The following ARID1B variants were observed in gnomAD, a reference collection of about 807,000 sequenced individuals.
The protein encoded by ARID1B is AT-rich interactive domain-containing protein 1B.
ARID1B carries 30 observed loss-of-function variants against 212.3 expected under a neutral mutation model. That is an observed-to-expected ratio of 0.14 (90% confidence interval 0.11 to 0.19). The LOEUF is 0.19. Ranked by LOEUF, ARID1B falls within the 10% of genes least tolerant of loss-of-function variation. The pLI, the probability that ARID1B is intolerant of heterozygous loss-of-function variation, is 1.00. For synonymous variants in ARID1B, 1,402 were observed against 1,301.7 expected (o/e 1.08, Z -1.66); for missense variants, 2,891 against 3,204.0 (o/e 0.90, Z 2.36).
chr6:157,083,932 G>A (rs570369200), intron 4 of ARID1B, among the ~76,000 whole-genome samples: 21 of 152,166 alleles, frequency 1.4e-4, no homozygotes, highest in Non-Finnish European at 2.5e-4. Flanking sequence ...TCAGGAGTTC[G>A]AGACCAGCCT....
intron 2 of ARID1B, among the ~76,000 whole-genome samples, chr6:156,885,745 A>G: frequency 6.6e-6 from 1 of 152,222 alleles, no homozygotes; most frequent in East Asian, 1.9e-4. Context: ...TCATATTGCC[A>G]CAACTTTAAA....
At chr6:157,122,851 T>C (rs35835705) in intron 6 of ARID1B, among the ~76,000 whole-genome samples, 181 of 152,216 alleles carry the variant, frequency 1.2e-3, no homozygotes, top group Non-Finnish European at 2.2e-3. Flanking sequence ...GCTAACTTTT[T>C]TGGTATTTTT....
intron 2 of ARID1B, among the ~76,000 whole-genome samples, chr6:156,835,842 A>C (rs1302820966): frequency 1.3e-5 from 2 of 152,066 alleles, no homozygotes; most frequent in Non-Finnish European, 2.9e-5. Context: ...CCTGGGCTCA[A>C]ACAATCCTCC....
chr6:156,825,452 A>AT (rs1182845251), intron 1 of ARID1B, among the ~76,000 whole-genome samples: 1 of 152,206 alleles, frequency 6.6e-6, no homozygotes, highest in Non-Finnish European at 1.5e-5. Context: ...TTAAGCTAAC[A>AT]TTTTTGACAT....
chr6:156,821,704 A>G (rs143082020), intron 1 of ARID1B, among the ~76,000 whole-genome samples: 9 of 152,342 alleles, frequency 5.9e-5, no homozygotes, highest in East Asian at 3.9e-4. Flanking sequence ...ATATGTTGTT[A>G]TTATTTGATA....
rs537699305 is a variant in ARID1B at position 156,991,602 on chromosome 6, A to G, written c.2247+56026A>G. On this transcript the variant is annotated intron_variant, in intron 4 of 19. Transcript: ENST00000636930. Reference sequence around the variant, plus strand: ...AGAATTAGAGAAATGTTGAGGGGAAAAGTTCATACTTATATCTTTCTTACA... The same window carrying G: ...AGAATTAGAGAAATGTTGAGGGGAAGAGTTCATACTTATATCTTTCTTACA... Among the ~76,000 whole-genome samples, 53 of 152,298 alleles carry G rather than the reference A, an allele frequency of 3.5e-4. 1 individual carries two copies. In the South Asian group the frequency reaches 0.011, roughly 31 times the overall value.
intron 4 of ARID1B, among the ~76,000 whole-genome samples, chr6:157,005,836 C>T (rs2128442036): frequency 6.6e-6 from 1 of 152,272 alleles, no homozygotes; most frequent in Non-Finnish European, 1.5e-5. Flanking sequence ...TCTGTCTCCT[C>T]AGCTACCTCC....
chr6:157,165,363 TA>T (rs1350020292), intron 8 of ARID1B, among the ~76,000 whole-genome samples: 7 of 152,248 alleles, frequency 4.6e-5, no homozygotes, highest in African/African-American at 1.7e-4. Flanking sequence ...TTTCAGCTTC[TA>T]ACAGTGTTCT....
intron 4 of ARID1B, among the ~76,000 whole-genome samples, chr6:157,067,640 C>T (rs1783751310): frequency 6.6e-6 from 1 of 152,170 alleles, no homozygotes. Context: ...TTTGCTGGAT[C>T]TGCCCGACAC....
At chr6:157,199,875 C>T (rs1267618034) in intron 17 of ARID1B, among the ~76,000 whole-genome samples, 2 of 152,126 alleles carry the variant, frequency 1.3e-5, no homozygotes, top group Non-Finnish European at 2.9e-5. Flanking sequence ...CCATGTTGGC[C>T]AGGCTGGTCT....
intron 2 of ARID1B, among the ~76,000 whole-genome samples, chr6:156,873,220 T>C (rs1259213196): frequency 6.6e-6 from 1 of 152,214 alleles, no homozygotes; most frequent in Non-Finnish European, 1.5e-5. Flanking sequence ...CAAATTTTCA[T>C]ATCATATTTA....
chr6:157,067,413 C>T (rs1410732408), intron 4 of ARID1B, among the ~76,000 whole-genome samples: 1 of 152,204 alleles, frequency 6.6e-6, no homozygotes, highest in Non-Finnish European at 1.5e-5. Context: ...TGGCCTGGTG[C>T]TAAGACAGAG....
Position 157,198,868 on chromosome 6 carries a change from G to T in ARID1B, c.4440G>T (p.Pro1480=). 1.2e-6 allele frequency: 2 copies of T among 1,610,988 alleles called. No homozygotes were observed. The highest frequency in any genetic ancestry group is 1.7e-6 in the Non-Finnish European group (2 of 1,178,798). Residue 1480 remains proline (P), a synonymous_variant, in exon 17 of 20, where the codon CCG becomes CCT. Transcript: ENST00000636930. ...AAGGCCCTCCCTCGGGACAGCCGCC[G>T]TATGGAGGGCACCAGCCCGGCCTGT... The part of the protein sequence containing the change: ...PGQGPPSGQP[P]YGGHQPGLYP...
intron 5 of ARID1B, among the ~76,000 whole-genome samples, chr6:157,105,073 T>C (rs1207403187): frequency 6.6e-6 from 1 of 152,186 alleles, no homozygotes; most frequent in Admixed American, 6.5e-5. Flanking sequence ...ACAAAGATGA[T>C]ATTTCAAGTC....
chr6:156,806,355 C>A (rs1234836408), intron 1 of ARID1B, among the ~76,000 whole-genome samples: 1 of 152,218 alleles, frequency 6.6e-6, no homozygotes, highest in Non-Finnish European at 1.5e-5. Context: ...ACAGGTTCTA[C>A]CTCTGGCTTT....
intron 12 of ARID1B, among the ~76,000 whole-genome samples, chr6:157,183,982 G>A (rs748242004): frequency 1.3e-5 from 2 of 152,190 alleles, no homozygotes; most frequent in Non-Finnish European, 2.9e-5. Flanking sequence ...TGGGATGAGC[G>A]TGAGGCGTTG....
At chr6:157,125,619 C>T (rs1010942993) in intron 6 of ARID1B, among the ~76,000 whole-genome samples, 2 of 152,202 alleles carry the variant, frequency 1.3e-5, no homozygotes, top group African/African-American at 4.8e-5. Context: ...TTCGAGGAAA[C>T]CTTCCACCAT....
At chr6:156,966,235 T>C (rs1294885349) in intron 4 of ARID1B, among the ~76,000 whole-genome samples, 1 of 152,200 alleles carries the variant, frequency 6.6e-6, no homozygotes, top group African/African-American at 2.4e-5. Flanking sequence ...ACTTCAATGG[T>C]ATATCGCAGT....
At chr6:156,952,541 C>T (rs1313585611) in intron 4 of ARID1B, among the ~76,000 whole-genome samples, 3 of 152,152 alleles carry the variant, frequency 2.0e-5, no homozygotes, top group Non-Finnish European at 4.4e-5. Flanking sequence ...GTCGGGCTGC[C>T]GTGGCTCCTG....
Sources: gnomAD v4.1 joint callset for allele counts (sites outside exome capture counted in the v4.1 genomes callset) on GRCh38, gnomAD v4.1.1 for gene constraint, MANE v1.5 for transcripts, NCBI Gene and HGNC (gene_info 2026-07-23, HGNC 2026-07-21) for gene names.